The following CCDC197 variants were observed in gnomAD, a reference collection of about 807,000 sequenced individuals.
CCDC197 encodes coiled-coil domain containing 197.
In CCDC197, 24 loss-of-function variants were observed where a neutral mutation model predicts 13.4. The ratio of observed to expected loss-of-function variants is 1.80; its 90% CI spans 1.30 to 2.53. The LOEUF is 2.53. Ranked by LOEUF, CCDC197 falls within the 30% of genes most tolerant of loss-of-function variation. The pLI is 0.00. For synonymous variants in CCDC197, 99 were observed against 55.5 expected (o/e 1.78, Z -3.48); for missense variants, 255 against 148.8 (o/e 1.71, Z -3.71).
At chr14:94,004,312 C>T (rs118124405) in intron 5 of CCDC197, among the ~76,000 whole-genome samples, 4,409 of 152,286 alleles carry the variant, frequency 0.029, 96 homozygotes, top group Non-Finnish European at 0.045. Context: ...GCACACCTTC[C>T]CTGCACAGGA....
chr14:94,007,272 G>A (rs931233303), intron 6 of CCDC197: 8 of 152,208 alleles, frequency 5.3e-5, no homozygotes, highest in African/African-American at 1.9e-4. Context: ...GTTTAGGTCT[G>A]TGGTTCATTT....
downstream of CCDC197, among the ~76,000 whole-genome samples, chr14:94,011,194 C>T (rs1567046579): frequency 1.3e-5 from 2 of 152,322 alleles, no homozygotes; most frequent in East Asian, 1.9e-4. Context: ...TCTGACCTCC[C>T]GGGAGGTGCT....
intron 6 of CCDC197, chr14:94,007,146 T>C (rs1263388216): frequency 1.3e-5 from 2 of 152,224 alleles, no homozygotes; most frequent in Non-Finnish European, 2.9e-5. Context: ...AGTTTTACTT[T>C]GGGTATGTGT....
chr14:93,999,748 A>T, intron 3 of CCDC197, 83 bp downstream of exon 3: 1 of 753,660 alleles, frequency 1.3e-6, no homozygotes, highest in Non-Finnish European at 2.5e-6. Flanking sequence ...GTGTGGCCTC[A>T]TGGAGCCACG....
At chr14:94,009,171 G>A (rs753135406), downstream of CCDC197, among the ~76,000 whole-genome samples, 2 of 152,214 alleles carry the variant, frequency 1.3e-5, no homozygotes, top group Non-Finnish European at 2.9e-5. Flanking sequence ...TGGCTGTTGG[G>A]AATGTCCCAG....
In CCDC197 at chr14:94,001,324, G is replaced by GT. The variant is rs1890499352; in HGVS notation, c.366+2dup. On this transcript the variant is annotated splice_donor_variant, in intron 4 of 6. Transcript: ENST00000636493. LOFTEE classifies it high-confidence loss of function. ...GGAGGACCACAGGGCTCTCATGTTG[G>GT]TAACAGCTGCTTGAAGTCTGCTCCA... 1.3e-6 allele frequency: 1 copy of GT among 767,284 alleles called. No individual in the cohort carries two copies. The highest frequency in any genetic ancestry group is 1.7e-5 in the African/African-American group (1 of 58,660). The allele number at this position is 767,284 out of a possible 1,614,324, so 47.5% of individuals were successfully genotyped here. A position where few individuals can be genotyped will look rare whatever the true frequency, so the allele number is the denominator to read the frequency against.
chr14:94,007,773 G>A (rs114559786), intron 6 of CCDC197, among the ~76,000 whole-genome samples: 1,886 of 152,234 alleles, frequency 0.012, 37 homozygotes, highest in African/African-American at 0.043. Context: ...CTCATTTGAG[G>A]CAGGTTCCGT....
At chr14:93,999,354 T>G in intron 2 of CCDC197, 1 of 522,968 alleles carries the variant, frequency 1.9e-6, no homozygotes, top group South Asian at 2.5e-5. Flanking sequence ...CTTTGCTGCC[T>G]GGGAGATGCT....
chr14:93,998,639 G>A (rs1890396588), intron 2 of CCDC197, among the ~76,000 whole-genome samples: 1 of 152,188 alleles, frequency 6.6e-6, no homozygotes, highest in African/African-American at 2.4e-5. Flanking sequence ...AGACATTTCA[G>A]GCTACCCACA....
At chr14:93,988,450 GA>G (rs1301827278) in intron 1 of CCDC197, among the ~76,000 whole-genome samples, 6 of 65,838 alleles carry the variant, frequency 9.1e-5, no homozygotes, top group Admixed American at 1.7e-4. Flanking sequence ...ATGGGAGGAG[GA>G]GATGGGAGGA....
chr14:93,994,892 G>A (rs1296239933), upstream of CCDC197, among the ~76,000 whole-genome samples: 7 of 152,126 alleles, frequency 4.6e-5, no homozygotes, highest in East Asian at 1.3e-3. Flanking sequence ...CCCGCTGTGG[G>A]ACCCCCTATC....
rs1595358747 is a variant in CCDC197, at chr14:94,008,813, C to A, written c.*1C>A. 9 of 694,936 alleles carry A rather than the reference C, an allele frequency of 1.3e-5. No homozygotes were observed. The East Asian group carries it at 2.4e-4, about 19-fold the overall frequency. The allele number at this position is 694,936 out of a possible 1,614,324, so 43.0% of individuals were successfully genotyped here. On this transcript the variant is annotated 3_prime_UTR_variant, in exon 7 of 7. Transcript: ENST00000636493. ...TTCAGAGTGCTCCGGCCTGTACTGA[C>A]CAGCCTGCGCCTTGCAGGCCCCATG... is the stretch of plus-strand genomic sequence containing the variant.
intron 1 of CCDC197, among the ~76,000 whole-genome samples, chr14:93,991,247 G>A (rs995932052): frequency 6.6e-6 from 1 of 152,182 alleles, no homozygotes; most frequent in African/African-American, 2.4e-5. Flanking sequence ...GGCTACCGTG[G>A]GAGGGGATGA....
chr14:94,003,170 C>A lies in CCDC197; in HGVS notation c.367-53C>A. On this transcript the variant is annotated intron_variant, in intron 4 of 6. Transcript: ENST00000636493. The surrounding 1 kb of genome is among the most constrained non-coding windows in gnomAD (Gnocchi z 5.0). ...ACCACCCTGGGGACTCAGACCAGGG[C>A]ATATGCCCTGGAGGGTTTGTTGTAC... is the stretch of plus-strand genomic sequence containing the variant. 1.3e-6 allele frequency: 1 copy of A among 759,182 alleles called. No homozygotes were observed. The highest frequency in any genetic ancestry group is 1.4e-5 in the South Asian group (1 of 71,014). 47.0% of individuals were successfully genotyped at this position (759,182 alleles called of 1,614,324 possible).
upstream of CCDC197, among the ~76,000 whole-genome samples, chr14:93,994,338 G>C (rs1455545788): frequency 6.6e-6 from 1 of 152,204 alleles, no homozygotes; most frequent in Non-Finnish European, 1.5e-5. Context: ...TGTATTAACT[G>C]TGTACCCTTG....
intron 6 of CCDC197, among the ~76,000 whole-genome samples, chr14:94,005,178 G>C (rs1485140127): frequency 1.3e-5 from 2 of 152,190 alleles, no homozygotes; most frequent in Non-Finnish European, 2.9e-5. Context: ...AAGGGTCAGT[G>C]TAGAAGGTGC....
At chr14:93,993,109 C>G (rs544839297), upstream of CCDC197, among the ~76,000 whole-genome samples, 2 of 152,322 alleles carry the variant, frequency 1.3e-5, no homozygotes, top group South Asian at 4.1e-4. Context: ...CCAGCCAACC[C>G]CAGCAACCTC....
intron 1 of CCDC197, among the ~76,000 whole-genome samples, chr14:93,988,273 G>GA (rs2141337172): frequency 9.8e-6 from 1 of 101,888 alleles, no homozygotes. Context: ...GGGGATGGGA[G>GA]GAAAGGATGG....
chr14:93,999,353 C>A lies in CCDC197; in HGVS notation c.105-230C>A. ...CTCCCCCAGATACCTTCTTTGCTGCCTGGGAGATGCTGCTATGGGCGTTTA... is the reference window on the plus strand; with the variant it reads ...CTCCCCCAGATACCTTCTTTGCTGCATGGGAGATGCTGCTATGGGCGTTTA... On this transcript the variant is annotated intron_variant, in intron 2 of 6. Coordinates refer to ENST00000636493, the MANE Select transcript of CCDC197 (RefSeq NM_001351596.2). The A allele has an allele frequency of 1.7e-5, 9 of 520,704 alleles. No homozygotes were observed. The South Asian group carries it at 2.2e-4, about 13-fold the overall frequency. The allele number at this position is 520,704 out of a possible 1,614,324, so 32.3% of individuals were successfully genotyped here.
Sources: gnomAD v4.1 joint callset for allele counts (sites outside exome capture counted in the v4.1 genomes callset) on GRCh38, gnomAD v4.1.1 for gene constraint, Gnocchi (gnomAD v3.1) non-coding constraint, MANE v1.5 for transcripts, NCBI Gene and HGNC (gene_info 2026-07-23, HGNC 2026-07-21) for gene names.